GALNT14: variants seen among roughly 807,000 people sequenced by gnomAD.
GALNT14 encodes UDP-GalNAc:polypeptide N-acetylgalactosaminyltransferase 14.
Under a neutral mutation model 77.5 loss-of-function variants are expected in GALNT14, and 60 were observed. That is an observed-to-expected ratio of 0.77 (90% CI 0.63 to 0.96). The LOEUF is 0.96. Ranked by LOEUF, GALNT14 falls within the 40% of genes least tolerant of loss-of-function variation. GALNT14 has a pLI of 0.00. For missense variants in GALNT14, 710 were observed against 731.0 expected (o/e 0.97, Z 0.33); for synonymous variants, 280 against 281.7 (o/e 0.99, Z 0.06).
At chr2:31,017,681 C>A (rs1474075709) in intron 1 of GALNT14, among the ~76,000 whole-genome samples, 1 of 152,062 alleles carries the variant, frequency 6.6e-6, no homozygotes, top group Non-Finnish European at 1.5e-5. Context: ...CCACAGAGAC[C>A]ACCTGAGAAG....
chr2:30,951,358 C>G (rs1013454094), intron 6 of GALNT14, among the ~76,000 whole-genome samples: 13 of 152,048 alleles, frequency 8.5e-5, no homozygotes, highest in Non-Finnish European at 1.8e-4. Context: ...TGTGTGATTC[C>G]GTTTATATGA....
intron 1 of GALNT14, among the ~76,000 whole-genome samples, chr2:31,078,179 T>A (rs1005718268): frequency 1.3e-5 from 2 of 152,184 alleles, no homozygotes; most frequent in African/African-American, 4.8e-5. Context: ...GGACCAATTA[T>A]GTTCATTAGT....
intron 13 of GALNT14, among the ~76,000 whole-genome samples, chr2:30,923,244 A>G (rs1665151374): frequency 6.6e-6 from 1 of 151,822 alleles, no homozygotes; most frequent in South Asian, 2.1e-4. Context: ...TTGTATTTTT[A>G]GTAGAGACAG....
At chr2:30,899,496 G>C in the GALNT14 span, among the ~76,000 whole-genome samples, 1 of 152,098 alleles carries the variant, frequency 6.6e-6, no homozygotes, top group Non-Finnish European at 1.5e-5. Flanking sequence ...AGTGAGGCCA[G>C]GTAATATTTA....
At chr2:30,901,153 C>G in the GALNT14 span, among the ~76,000 whole-genome samples, 754 of 152,284 alleles carry the variant, frequency 5.0e-3, 6 homozygotes, top group African/African-American at 0.017. Flanking sequence ...CAAACCTTTC[C>G]TGAGGCATGC....
At chr2:30,928,396 A>C (rs569616050) in intron 11 of GALNT14, among the ~76,000 whole-genome samples, 84 of 152,216 alleles carry the variant, frequency 5.5e-4, no homozygotes, top group African/African-American at 2.0e-3. Flanking sequence ...TGGGTTGGGG[A>C]ATACAAGGTC....
chr2:30,953,111 G>A (rs12621768), intron 6 of GALNT14, among the ~76,000 whole-genome samples: 40,001 of 151,834 alleles, frequency 0.26, 6,478 homozygotes, highest in African/African-American at 0.45. Context: ...AACATACTCC[G>A]GTTTCCTTTT....
intron 11 of GALNT14, 42 bp downstream of exon 11, chr2:30,929,353 C>G: frequency 6.6e-7 from 1 of 1,518,308 alleles, no homozygotes; most frequent in Non-Finnish European, 9.1e-7. Context: ...GAGCTGGGCT[C>G]TTTTGCAGTC....
chr2:30,960,609 G>C lies in GALNT14; in HGVS notation c.399-2145C>G, dbSNP rs1226993647. On this transcript the variant is annotated intron_variant, in intron 3 of 14. Coordinates refer to ENST00000349752, the MANE Select transcript of GALNT14 (RefSeq NM_024572.4). Reference sequence around the variant, plus strand: ...GCGATGGCGGAGTCCCCTTAAACATGGCCTGCAGCTGGGAGGGCCTGAGGT... The same window carrying C: ...GCGATGGCGGAGTCCCCTTAAACATCGCCTGCAGCTGGGAGGGCCTGAGGT... Among the ~76,000 whole-genome samples, 8 of 152,102 alleles carry C rather than the reference G, an allele frequency of 5.3e-5. No individual in the cohort carries two copies. The South Asian group carries it at 1.7e-3, about 32-fold the overall frequency.
intron 1 of GALNT14, among the ~76,000 whole-genome samples, chr2:31,087,636 G>A (rs1676513192): frequency 6.6e-6 from 1 of 152,102 alleles, no homozygotes; most frequent in Admixed American, 6.5e-5. Flanking sequence ...ACCAGGACCT[G>A]GTGAAGTAAT....
intron 1 of GALNT14, among the ~76,000 whole-genome samples, chr2:31,066,516 G>A (rs1210065976): frequency 6.6e-6 from 1 of 152,142 alleles, no homozygotes; most frequent in Non-Finnish European, 1.5e-5. Flanking sequence ...TGAGCAGGGA[G>A]GGGCCGTGCA....
chr2:31,029,808 T>C (rs902395684), intron 1 of GALNT14, among the ~76,000 whole-genome samples: 1 of 152,234 alleles, frequency 6.6e-6, no homozygotes. Flanking sequence ...AACTTCTATC[T>C]TGATTGACTA....
intron 1 of GALNT14, among the ~76,000 whole-genome samples, chr2:31,135,763 C>T (rs1333108098): frequency 1.3e-5 from 2 of 152,200 alleles, no homozygotes; most frequent in Non-Finnish European, 2.9e-5. Flanking sequence ...CTGCCTCATC[C>T]TGCAACTTAT....
At chr2:31,070,970 C>T (rs187676964) in intron 1 of GALNT14, among the ~76,000 whole-genome samples, 8 of 152,204 alleles carry the variant, frequency 5.3e-5, no homozygotes, top group Non-Finnish European at 8.8e-5. Flanking sequence ...GTAGATTACA[C>T]GGGATCATTC....
chr2:31,057,296 TATATA>T (rs1558532743), intron 1 of GALNT14, among the ~76,000 whole-genome samples: 9 of 96,086 alleles, frequency 9.4e-5, no homozygotes, highest in African/African-American at 3.7e-4. Flanking sequence ...GTTGAAATTA[TATATA>T]TATATATATA....
At chr2:30,955,582 G>A in intron 6 of GALNT14, 36 bp downstream of exon 6, 1 of 1,603,586 alleles carries the variant, frequency 6.2e-7, no homozygotes, top group Non-Finnish European at 8.5e-7. Flanking sequence ...GAAAGCTGGG[G>A]CACGAGGCCC....
chr2:31,108,345 A>C (rs1426221371), intron 1 of GALNT14, among the ~76,000 whole-genome samples: 1 of 152,238 alleles, frequency 6.6e-6, no homozygotes, highest in African/African-American at 2.4e-5. Flanking sequence ...GCCAAGGACT[A>C]AGGAACGTAT....
At chr2:30,977,415 C>A (rs774574315) in intron 2 of GALNT14, among the ~76,000 whole-genome samples, 1 of 152,126 alleles carries the variant, frequency 6.6e-6, no homozygotes, top group Admixed American at 6.5e-5. Context: ...TTATCTTGAA[C>A]GCTGCATGCT....
At chr2:31,085,093 C>G (rs1676361521) in intron 1 of GALNT14, among the ~76,000 whole-genome samples, 1 of 151,962 alleles carries the variant, frequency 6.6e-6, no homozygotes, top group African/African-American at 2.4e-5. Context: ...GTACTCCGTG[C>G]AGGGGAACAT....
Sources: allele counts gnomAD v4.1 joint callset (sites outside exome capture counted in the v4.1 genomes callset), GRCh38; gene constraint gnomAD v4.1.1; transcripts MANE v1.5; gene names NCBI Gene and HGNC (gene_info 2026-07-23, HGNC 2026-07-21).